The following LRRC7 variants were observed in gnomAD, a reference collection of about 807,000 sequenced individuals.
LRRC7 encodes leucine rich repeat containing 7.
A neutral mutation model predicts 175.7 loss-of-function variants in LRRC7; 23 were observed. The observed-to-expected ratio is 0.13, with a 90% CI of 0.09 to 0.19. The LOEUF is 0.19. Among genes scored for constraint, LRRC7 ranks in the 10% least tolerant of loss-of-function variants. The probability of loss-of-function intolerance (pLI) is 1.00; values close to 1 mark genes in which losing one functional copy is unlikely to be tolerated. For missense variants in LRRC7, 1,354 were observed against 1,904.7 expected, an observed-to-expected ratio of 0.71 and a Z score of 5.38; for synonymous variants, 685 against 680.9, an observed-to-expected ratio of 1.01 and a Z score of -0.09.
At chr1:69,724,439 A>G (rs1374453385) in intron 2 of LRRC7, among the ~76,000 whole-genome samples, 1 of 152,230 alleles carries the variant, frequency 6.6e-6, no homozygotes, top group African/African-American at 2.4e-5. Flanking sequence ...GGATTAGAAT[A>G]GCAAGCAACA....
chr1:69,650,269 G>A (rs553467963), intron 1 of LRRC7, among the ~76,000 whole-genome samples: 2 of 151,920 alleles, frequency 1.3e-5, no homozygotes, highest in African/African-American at 2.4e-5. Context: ...AGCCAGGCGC[G>A]GTGGCTCACG....
intron 8 of LRRC7, 91 bp downstream of exon 8, chr1:69,931,661 T>C: frequency 2.0e-6 from 2 of 987,886 alleles, no homozygotes; most frequent in Non-Finnish European, 3.1e-6. Flanking sequence ...TTAACTTGAT[T>C]GCACGTTTGC....
chr1:70,048,382 A>C (rs530706899), intron 22 of LRRC7, among the ~76,000 whole-genome samples: 269 of 152,186 alleles, frequency 1.8e-3, no homozygotes, highest in South Asian at 3.3e-3. Context: ...TGTTACACCA[A>C]AGAACTCACC....
chr1:70,109,382 T>C (rs1665370108), intron 26 of LRRC7, among the ~76,000 whole-genome samples: 1 of 152,208 alleles, frequency 6.6e-6, no homozygotes, highest in Admixed American at 6.5e-5. Context: ...TTTTCAAAAA[T>C]GATAGTTCTC....
chr1:70,036,314 A>C (rs1659304837), intron 19 of LRRC7, 82 bp downstream of exon 19: 1 of 1,390,380 alleles, frequency 7.2e-7, no homozygotes, highest in African/African-American at 1.4e-5. Context: ...ATGATACACC[A>C]TATTCTATAC....
chr1:69,781,779 A>AGAGAGAG (rs1673662784), intron 3 of LRRC7, among the ~76,000 whole-genome samples: 1 of 67,844 alleles, frequency 1.5e-5, no homozygotes, highest in Non-Finnish European at 2.8e-5. Flanking sequence ...GAAAGAAAGA[A>AGAGAGAG]AGAAAGAAAG....
At chr1:69,637,211 T>C (rs1426430139) in intron 1 of LRRC7, among the ~76,000 whole-genome samples, 7 of 151,962 alleles carry the variant, frequency 4.6e-5, no homozygotes, top group African/African-American at 1.7e-4. Flanking sequence ...AGGTAGGTTT[T>C]AAACTACTGA....
At position 69,951,178 on chromosome 1, in the gene LRRC7, GA is replaced by G. The variant is rs556571712; in HGVS notation, c.711+19617del. On this transcript the variant is annotated intron_variant, in intron 8 of 26. Transcript: ENST00000651989. ...ACATACATGCGGCCAACAAACATAT[GA>G]AAAAAAAACCCGCAATATCACTGAT... Among the ~76,000 whole-genome samples, 1,213 of 148,844 alleles carry G rather than the reference GA, an allele frequency of 8.1e-3. 11 individuals carry two copies. Among genetic ancestry groups the G allele is most frequent in the African/African-American group, 0.027 (1,092 of 40,598 alleles).
chr1:69,820,543 G>A (rs1679161172), intron 4 of LRRC7, among the ~76,000 whole-genome samples: 1 of 152,056 alleles, frequency 6.6e-6, no homozygotes, highest in Non-Finnish European at 1.5e-5. Context: ...CCCAGTGTGT[G>A]ATGTTCCCCT....
intron 1 of LRRC7, among the ~76,000 whole-genome samples, chr1:69,592,910 A>G (rs961429604): frequency 1.3e-5 from 2 of 152,070 alleles, no homozygotes; most frequent in African/African-American, 4.8e-5. Flanking sequence ...GAATCCTGAC[A>G]CTTGAATGCT....
At chr1:69,832,678 C>G (rs572963547) in intron 5 of LRRC7, among the ~76,000 whole-genome samples, 100 of 152,218 alleles carry the variant, frequency 6.6e-4, no homozygotes, top group Non-Finnish European at 7.9e-4. Flanking sequence ...ATCTAGTAAA[C>G]ATAGACTTGC....
chr1:69,704,327 G>T (rs1432716878), intron 2 of LRRC7, among the ~76,000 whole-genome samples: 2 of 151,892 alleles, frequency 1.3e-5, no homozygotes, highest in Non-Finnish European at 2.9e-5. Flanking sequence ...AGTTCAGTAG[G>T]CAGTTACCGA....
At chr1:69,622,388 T>C (rs1650751922) in intron 1 of LRRC7, among the ~76,000 whole-genome samples, 1 of 152,200 alleles carries the variant, frequency 6.6e-6, no homozygotes, top group African/African-American at 2.4e-5. Context: ...TACATGCTAA[T>C]CTATTGAGAA....
chr1:70,065,516 GCTAA>G (rs1215144320), intron 23 of LRRC7, among the ~76,000 whole-genome samples: 1 of 151,888 alleles, frequency 6.6e-6, no homozygotes. Flanking sequence ...TTATGGATAA[GCTAA>G]CTTTCATTTA....
chr1:69,637,598 T>C (rs1399976043), intron 1 of LRRC7, among the ~76,000 whole-genome samples: 1 of 151,986 alleles, frequency 6.6e-6, no homozygotes, highest in Non-Finnish European at 1.5e-5. Context: ...TGAGGTAATT[T>C]ATTTAAAAGT....
At chr1:70,026,552 G>T (rs1421041440) in intron 17 of LRRC7, among the ~76,000 whole-genome samples, 1 of 151,926 alleles carries the variant, frequency 6.6e-6, no homozygotes. Context: ...TACAAATTAA[G>T]TACCCTGGGA....
chr1:70,083,159 G>T (rs894898250), intron 24 of LRRC7, among the ~76,000 whole-genome samples: 38 of 152,144 alleles, frequency 2.5e-4, no homozygotes, highest in Middle Eastern at 3.4e-3. Context: ...AAGAGGAAAA[G>T]ATTTGAATAT....
intron 7 of LRRC7, among the ~76,000 whole-genome samples, chr1:69,900,667 A>G (rs1006289946): frequency 1.3e-5 from 2 of 152,206 alleles, no homozygotes; most frequent in African/African-American, 4.8e-5. Context: ...TGAAAATTCA[A>G]AATCCAAATT....
chr1:69,884,991 T>C (rs1687027234), intron 7 of LRRC7, among the ~76,000 whole-genome samples: 1 of 149,816 alleles, frequency 6.7e-6, no homozygotes, highest in Non-Finnish European at 1.5e-5. Context: ...GGGTAAGCTT[T>C]TTGATGTGCT....
Sources: allele counts gnomAD v4.1 joint callset (sites outside exome capture counted in the v4.1 genomes callset), GRCh38; gene constraint gnomAD v4.1.1; transcripts MANE v1.5; gene names NCBI Gene and HGNC (gene_info 2026-07-23, HGNC 2026-07-21).